The following CCDC171 variants were observed in gnomAD, a reference collection of about 807,000 sequenced individuals.
CCDC171 encodes the protein coiled-coil domain-containing protein 171.
In CCDC171, 177 loss-of-function variants were observed where a neutral mutation model predicts 168.2. That is an observed-to-expected ratio of 1.05 (90% CI 0.93 to 1.19). The LOEUF is 1.19. CCDC171 is among the 50% of genes most tolerant of loss of function. CCDC171 has a pLI of 0.00. For missense variants in CCDC171, 1,991 were observed against 1,539.0 expected (o/e 1.29, Z -4.91); for synonymous variants, 687 against 540.8 (o/e 1.27, Z -3.75).
At chr9:15,874,821 C>T (rs1415051626) in intron 24 of CCDC171, 158 bp downstream of exon 24, 2 of 677,992 alleles carry the variant, frequency 2.9e-6, no homozygotes, top group Non-Finnish European at 4.3e-6. Flanking sequence ...GTATACTTTA[C>T]AAAATATTGT....
chr9:15,693,003 C>G (rs12350267), intron 10 of CCDC171, among the ~76,000 whole-genome samples: 143,920 of 152,012 alleles, frequency 0.95, 68,169 homozygotes, highest in East Asian at 1. Context: ...CGGGTGTGGT[C>G]GTGGGCACCT....
intron 6 of CCDC171, among the ~76,000 whole-genome samples, chr9:16,029,854 A>G (rs1833338832): frequency 6.6e-6 from 1 of 152,226 alleles, no homozygotes; most frequent in Non-Finnish European, 1.5e-5. Context: ...CTCCTTGCCA[A>G]CTGGGACTAA....
intron 3 of CCDC171, among the ~76,000 whole-genome samples, chr9:15,573,236 C>G (rs1028439658): frequency 1.3e-5 from 2 of 152,172 alleles, no homozygotes; most frequent in South Asian, 2.1e-4. Context: ...TAATAATTCT[C>G]TTTGTATTTT....
chr9:16,010,297 T>C (rs1026914700), intron 3 of CCDC171, among the ~76,000 whole-genome samples: 2 of 152,208 alleles, frequency 1.3e-5, no homozygotes, highest in African/African-American at 4.8e-5. Flanking sequence ...AATTCTATAA[T>C]GTTCAATAAA....
chr9:15,968,349 A>G (rs1831005308), intron 25 of CCDC171, among the ~76,000 whole-genome samples: 1 of 152,278 alleles, frequency 6.6e-6, no homozygotes, highest in South Asian at 2.1e-4. Context: ...GTGAACACTA[A>G]CTTTTAATGT....
At chr9:15,630,035 C>T (rs570210048) in intron 7 of CCDC171, among the ~76,000 whole-genome samples, 5 of 152,292 alleles carry the variant, frequency 3.3e-5, no homozygotes, top group Admixed American at 6.5e-5. Context: ...AAGCACTAAA[C>T]ATGGAAAGGA....
At chr9:15,630,488 T>C (rs1016130409) in intron 7 of CCDC171, among the ~76,000 whole-genome samples, 9 of 152,158 alleles carry the variant, frequency 5.9e-5, no homozygotes, top group African/African-American at 2.2e-4. Flanking sequence ...ATCCTAAATA[T>C]ATGTGCACCC....
At chr9:16,067,329 T>A in the CCDC171 span, among the ~76,000 whole-genome samples, 1 of 152,176 alleles carries the variant, frequency 6.6e-6, no homozygotes, top group African/African-American at 2.4e-5. Flanking sequence ...TTCTTGTAAA[T>A]TTGTTTGAGT....
chr9:16,083,197 A>G, the CCDC171 span, among the ~76,000 whole-genome samples: 3 of 152,118 alleles, frequency 2.0e-5, no homozygotes, highest in Non-Finnish European at 4.4e-5. Flanking sequence ...GAATGTTCCT[A>G]TTTTCTAAGA....
chr9:15,883,114 A>G (rs1401199382), intron 24 of CCDC171: 2 of 395,756 alleles, frequency 5.1e-6, no homozygotes, highest in Admixed American at 5.4e-5. Flanking sequence ...CTGCAGTCTC[A>G]AATGCCAGGG....
chr9:15,870,088 A>G (rs1025753863), intron 23 of CCDC171, among the ~76,000 whole-genome samples: 6 of 149,484 alleles, frequency 4.0e-5, no homozygotes. Flanking sequence ...CAATAGGTAA[A>G]TGAATGGGTA....
chr9:15,948,194 A>G (rs1267140187), intron 25 of CCDC171, among the ~76,000 whole-genome samples: 3 of 151,198 alleles, frequency 2.0e-5, no homozygotes, highest in East Asian at 2.0e-4. Context: ...CATGGTGCAT[A>G]TGTGCCACAT....
intron 6 of CCDC171, among the ~76,000 whole-genome samples, chr9:15,619,218 G>A (rs989314976): frequency 6.6e-6 from 1 of 152,146 alleles, no homozygotes. Context: ...GCTCACACCT[G>A]TTTCATTTTA....
chr9:16,105,452 A>ACC, the CCDC171 span, among the ~76,000 whole-genome samples: 1 of 151,352 alleles, frequency 6.6e-6, no homozygotes, highest in South Asian at 2.1e-4. Flanking sequence ...GAAGTCCAGC[A>ACC]CCCCCCCCTT....
At chr9:15,996,036 C>T (rs1289173706) in intron 3 of CCDC171, among the ~76,000 whole-genome samples, 3 of 152,204 alleles carry the variant, frequency 2.0e-5, no homozygotes. Flanking sequence ...ATTCCAACAC[C>T]GTGCTCTTCT....
At chr9:15,745,422 G>A in intron 17 of CCDC171, 93 bp from the exon 18 acceptor site, 1 of 695,216 alleles carries the variant, frequency 1.4e-6, no homozygotes, top group South Asian at 2.7e-5. Context: ...GGTTTTATCT[G>A]TTTCTTAAAT....
intron 11 of CCDC171, among the ~76,000 whole-genome samples, chr9:15,696,789 A>G (rs1447851208): frequency 1.3e-5 from 2 of 152,260 alleles, no homozygotes; most frequent in South Asian, 2.1e-4. Context: ...AGCCTACAGA[A>G]TTTTCTATTA....
At chr9:15,695,365 G>C in intron 11 of CCDC171, 28 bp downstream of exon 11, 1 of 1,539,038 alleles carries the variant, frequency 6.5e-7, no homozygotes, top group Admixed American at 1.7e-5. Context: ...AATGACAGAT[G>C]CATCTGTCAA....
chr9:15,893,893 A>C (rs915517364), intron 24 of CCDC171, among the ~76,000 whole-genome samples: 7 of 152,204 alleles, frequency 4.6e-5, no homozygotes, highest in African/African-American at 1.4e-4. Flanking sequence ...TAGAGGCAGA[A>C]ATACCATTTG....
Sources: gnomAD v4.1 joint callset for allele counts (sites outside exome capture counted in the v4.1 genomes callset) on GRCh38, gnomAD v4.1.1 for gene constraint, MANE v1.5 for transcripts, NCBI Gene and HGNC (gene_info 2026-07-23, HGNC 2026-07-21) for gene names.